Variants in IGSF22 observed in about 807,000 individuals in gnomAD.
IGSF22 encodes immunoglobulin superfamily member 22, also known as immunoglobulin superfamily, member 22.
Under a neutral mutation model 127.0 loss-of-function variants are expected in IGSF22, and 119 were observed. That is an observed-to-expected ratio of 0.94 (90% CI 0.81 to 1.09). IGSF22 has a LOEUF of 1.09. IGSF22 is among the 50% of genes least tolerant of loss of function. IGSF22 has a pLI of 0.00. For synonymous variants in IGSF22, 568 were observed against 664.7 expected (o/e 0.85, Z 2.24); for missense variants, 1,518 against 1,716.6 (o/e 0.88, Z 2.04).
chr11:18,708,482 G>C (rs1848290391), intron 18 of IGSF22, among the ~76,000 whole-genome samples, 187 bp from the exon 19 acceptor site: 1 of 152,158 alleles, frequency 6.6e-6, no homozygotes, highest in Non-Finnish European at 1.5e-5. Context: ...CCTTCTACTA[G>C]TACGCAAGAC....
rs760845804 is a variant in IGSF22, at chr11:18,716,884, C to T, written c.1090G>A (p.Gly364Arg). The T allele has an allele frequency of 1.2e-6, 2 of 1,614,092 alleles. No homozygotes were observed. The highest frequency in any genetic ancestry group is 2.7e-5 in the African/African-American group (2 of 74,928). ...TTGTCATCCCTCTTCAGCTCCTTCC[C>T]ATTGAACTTCCACACAAAGTTGGGC... ...KEPNFVWKFN[G>R]KELKRDDKYE... The change falls in exon 10 of 23, where the codon GGG becomes AGG. Residue 364 changes from glycine to arginine, a missense_variant. This residue lies in a region of IGSF22 where 1,456 missense variants were observed against 1,644.9 expected (regional missense o/e 0.89). Coordinates refer to ENST00000513874, the MANE Select transcript of IGSF22 (RefSeq NM_173588.4). This position sits in a 1 kb window ranked among gnomAD's most constrained non-coding sequence, Gnocchi z 4.5.
intron 2 of IGSF22, among the ~76,000 whole-genome samples, chr11:18,722,436 G>C (rs1033346230): frequency 6.6e-6 from 1 of 152,066 alleles, no homozygotes; most frequent in East Asian, 1.9e-4. Context: ...TCTGCAGCTT[G>C]GCTGAGCTCT....
rs1848373080 is a variant in IGSF22, at chr11:18,712,332, A to G, written c.2148T>C (p.Ser716=). 6.4e-7 allele frequency: 1 copy of G among 1,551,542 alleles called. No individual in the cohort carries two copies. The highest frequency in any genetic ancestry group is 8.7e-7 in the Non-Finnish European group (1 of 1,146,976). Residue 716 remains serine, a synonymous_variant, in exon 15 of 23, where the codon AGT becomes AGC. Transcript: ENST00000513874. Reference sequence around the variant, plus strand: ...GGGCCTTCCACTTCATGTGCACACAACTACCTGAGAGCTCCAGGAACTCCA... The same window carrying G: ...GGGCCTTCCACTTCATGTGCACACAGCTACCTGAGAGCTCCAGGAACTCCA... ...GRVEFLELSG[S]CVHMKWKAPK... is the part of the protein sequence containing the mutation.
chr11:18,715,291 G>A (rs1848440893), intron 11 of IGSF22, 141 bp downstream of exon 11: 1 of 781,016 alleles, frequency 1.3e-6, no homozygotes, highest in African/African-American at 1.7e-5. Flanking sequence ...GGAGGTGAGG[G>A]TGATCAGAGT....
Position 18,715,585 on chromosome 11 carries a change from G to A in IGSF22, c.1378C>T (p.His460Tyr). ...RWKKDGQLLM[H>Y]GTKYSMNHEG... ...TGGTTCATGCTGTACTTAGTGCCAT[G>A]CATCAGCAGCTGCCCATCCTTCTTC... The change falls in exon 11 of 23, where the codon CAT becomes TAT. Residue 460 changes from histidine (H) to tyrosine (Y), a missense_variant. Physicochemically the swap from His to Tyr is moderately conservative, Grantham distance 83. Transcript: ENST00000513874. 1 of 1,614,024 alleles carries A rather than the reference G, an allele frequency of 6.2e-7. No individual in the cohort carries two copies. Among genetic ancestry groups the A allele is most frequent in the South Asian group, 1.1e-5 (1 of 91,074 alleles).
At chr11:18,705,520 G>A in intron 22 of IGSF22, 2 of 439,150 alleles carry the variant, frequency 4.6e-6, no homozygotes, top group South Asian at 5.5e-5. Flanking sequence ...GGTGAGTCTG[G>A]TTGAGTCCTG....
intron 22 of IGSF22, chr11:18,704,878 T>C (rs1848192054): frequency 3.5e-6 from 1 of 284,704 alleles, no homozygotes. Flanking sequence ...AGATTTGAGT[T>C]ATCAGGGATC....
At chr11:18,708,028 C>G in intron 19 of IGSF22, 32 bp from the exon 20 acceptor site, 1 of 1,611,084 alleles carries the variant, frequency 6.2e-7, no homozygotes, top group Non-Finnish European at 8.5e-7. Context: ...CACAACTGGT[C>G]ACACAGATGA....
Position 18,715,483 on chromosome 11 carries a change from G to A in IGSF22, c.1480C>T (p.Gln494Ter). 2 of 1,613,752 alleles carry A rather than the reference G, an allele frequency of 1.2e-6. No homozygotes were observed. Among genetic ancestry groups the A allele is most frequent in the Non-Finnish European group, 1.7e-6 (2 of 1,179,952 alleles). ...TAGTATTCAGTAGGGTCTCCATCCT[G>A]CATGGCCACCACAGTGTACTCGCCA... is the stretch of plus-strand genomic sequence containing the variant. ...DGGEYTVVAMQDGDPTEYYST... is the reference protein window; with the variant it reads ...DGGEYTVVAM Residue 494 changes from glutamine (Q) to a stop codon, truncating the protein, a stop_gained, in exon 11 of 23, where the codon CAG (glutamine) becomes TAG (stop). Coordinates refer to ENST00000513874, the MANE Select transcript of IGSF22 (RefSeq NM_173588.4). LOFTEE classifies it high-confidence loss of function.
chr11:18,721,873 A>G (rs749558395), intron 3 of IGSF22, 37 bp downstream of exon 3: 5 of 1,609,418 alleles, frequency 3.1e-6, no homozygotes, highest in Non-Finnish European at 4.2e-6. Context: ...TAGAAAGCGA[A>G]GCACTGGAGC....
In IGSF22 at chr11:18,706,042, C is replaced by T. The variant is rs1255543859; in HGVS notation, c.3685G>A (p.Asp1229Asn). Residue 1229 changes from aspartate to asparagine, a missense_variant, in exon 22 of 23, where the codon GAC (aspartate) becomes AAC (asparagine). Physicochemically the swap from Asp to Asn is conservative, Grantham distance 23. Coordinates refer to ENST00000513874, the MANE Select transcript of IGSF22 (RefSeq NM_173588.4). The stretch of plus-strand genomic sequence containing the variant: ...AGGAAGGCGCAGGTCATGGTGCAGT[C>T]CTGGCCGCGGAGCACCGTGTGTGGC... ...LKPHTVLRGQDCTMTCAFLGN... is the reference protein window; with the variant it reads ...LKPHTVLRGQNCTMTCAFLGN... 1 of 1,551,366 alleles carries T rather than the reference C, an allele frequency of 6.4e-7. No individual in the cohort carries two copies. Among genetic ancestry groups the T allele is most frequent in the African/African-American group, 1.4e-5 (1 of 73,066 alleles).
chr11:18,707,304 A>G lies in IGSF22; in HGVS notation c.3281-91T>C, dbSNP rs999079295. 8.5e-6 allele frequency: 10 copies of G among 1,171,476 alleles called. No homozygotes were observed. In the Admixed American group the frequency reaches 1.6e-4, roughly 18 times the overall value. 72.6% of individuals were successfully genotyped at this position (1,171,476 alleles called of 1,614,324 possible). ...CATCTGCCAAGTCCGATGGAAGATA[A>G]GATGGGGCAAGTCTCAGGCAGCTGG... On this transcript the variant is annotated intron_variant, in intron 20 of 22. Transcript: ENST00000513874.
intron 3 of IGSF22, 27 bp from the exon 4 acceptor site, chr11:18,721,698 G>A (rs1223292549): frequency 1.2e-6 from 2 of 1,613,350 alleles, no homozygotes; most frequent in South Asian, 1.1e-5. Context: ...ACGCGTTTTC[G>A]CCTCTTAGCC....
chr11:18,708,890 GA>G (rs1848297937), intron 18 of IGSF22, among the ~76,000 whole-genome samples: 1 of 152,182 alleles, frequency 6.6e-6, no homozygotes, highest in African/African-American at 2.4e-5. Flanking sequence ...CACTATTGTA[GA>G]GCCTAAGATT....
intron 17 of IGSF22, among the ~76,000 whole-genome samples, chr11:18,710,046 C>G (rs1408839725): frequency 4.6e-5 from 7 of 152,172 alleles, no homozygotes; most frequent in Non-Finnish European, 1.0e-4. Context: ...CTACCTCACA[C>G]CCTTACTCAA....
chr11:18,707,328 G>T, intron 20 of IGSF22, 115 bp from the exon 21 acceptor site: 1 of 968,190 alleles, frequency 1.0e-6, no homozygotes, highest in Non-Finnish European at 1.5e-6. Flanking sequence ...TCAGGCAGCT[G>T]GTGTCTTGGA....
chr11:18,712,807 G>A (rs1200586223), intron 14 of IGSF22, among the ~76,000 whole-genome samples: 5 of 152,198 alleles, frequency 3.3e-5, no homozygotes, highest in Non-Finnish European at 2.9e-5. Flanking sequence ...ACACAGCAGT[G>A]AGAACACAGA....
Position 18,715,592 on chromosome 11 carries a change from C to T in IGSF22, c.1371G>A (p.Leu457=). 6.2e-7 allele frequency: 1 copy of T among 1,614,120 alleles called. No individual in the cohort carries two copies. Among genetic ancestry groups the T allele is most frequent in the Middle Eastern group, 1.6e-4 (1 of 6,062 alleles). ...VTLRWKKDGQ[L]LMHGTKYSMN... The stretch of plus-strand genomic sequence containing the variant: ...TGCTGTACTTAGTGCCATGCATCAG[C>T]AGCTGCCCATCCTTCTTCCAGCGCA... The change falls in exon 11 of 23, where the codon CTG becomes CTA. Residue 457 remains leucine, a synonymous_variant. Coordinates refer to ENST00000513874, the MANE Select transcript of IGSF22 (RefSeq NM_173588.4).
Position 18,716,501 on chromosome 11 carries a change from G to A in IGSF22, c.1246+227C>T, listed in dbSNP as rs117988316. On this transcript the variant is annotated intron_variant, in intron 10 of 22. Transcript: ENST00000513874. The surrounding 1 kb of genome is among the most constrained non-coding windows in gnomAD (Gnocchi z 4.5). ...CACAGCTGATAATAAGACCCAGTGT[G>A]TCTTGACTCGTGGAATAATAACTGC... is the stretch of plus-strand genomic sequence containing the variant. Among the ~76,000 whole-genome samples, 571 of 152,270 alleles carry A rather than the reference G, an allele frequency of 3.7e-3. 1 individual carries two copies. Among genetic ancestry groups the A allele is most frequent in the Middle Eastern group, 0.017 (5 of 294 alleles).
Sources: gnomAD v4.1 joint callset for allele counts (sites outside exome capture counted in the v4.1 genomes callset) on GRCh38, gnomAD v4.1.1 for gene constraint, gnomAD v4.1.1 regional missense constraint, Gnocchi (gnomAD v3.1) non-coding constraint, MANE v1.5 for transcripts, NCBI Gene and HGNC (gene_info 2026-07-23, HGNC 2026-07-21) for gene names.